Variants in ATXN2L observed in about 807,000 individuals in gnomAD.
ATXN2L encodes the protein ataxin-2-like protein.
In ATXN2L, 24 loss-of-function variants were observed where a neutral mutation model predicts 120.7. That is an observed-to-expected ratio of 0.20 (90% CI 0.14 to 0.28). ATXN2L has a LOEUF of 0.28. ATXN2L is among the 10% of genes least tolerant of loss of function. ATXN2L has a pLI of 1.00. For missense variants in ATXN2L, 1,312 were observed against 1,432.3 expected, an observed-to-expected ratio of 0.92 and a Z score of 1.36; for synonymous variants, 653 against 568.1, an observed-to-expected ratio of 1.15 and a Z score of -2.13.
At chr16:28,832,994 A>T (rs1365410010) in intron 13 of ATXN2L, 65 bp from the exon 14 acceptor site, 1 of 1,593,434 alleles carries the variant, frequency 6.3e-7, no homozygotes, top group African/African-American at 1.4e-5. Flanking sequence ...TCAAAAAAGG[A>T]TGAAAGAAGA....
intron 10 of ATXN2L, 73 bp from the exon 11 acceptor site, chr16:28,832,132 T>G: frequency 6.6e-7 from 1 of 1,520,138 alleles, no homozygotes; most frequent in Admixed American, 1.8e-5. Flanking sequence ...TTTCTTGCTG[T>G]TTTGAGTAAG....
Position 28,823,434 on chromosome 16 carries a change from C to T in ATXN2L, c.175C>T (p.Leu59=). The change falls in exon 1 of 22, where the codon CTG becomes TTG. Residue 59 remains leucine, a synonymous_variant. Transcript: ENST00000336783. Reference sequence around the variant, plus strand: ...GCCTCCAGCGGCCGCCTCCCCCTGCCTGGGGCCTGTGGCCGCTGCCGGGAG... The same window carrying T: ...GCCTCCAGCGGCCGCCTCCCCCTGCTTGGGGCCTGTGGCCGCTGCCGGGAG... ...PGPPAAASPC[L]GPVAAAGSGL... is the part of the protein sequence containing the mutation. 1 of 1,319,146 alleles carries T rather than the reference C, an allele frequency of 7.6e-7. No individual in the cohort carries two copies. The allele number at this position is 1,319,146 out of a possible 1,614,324, so 81.7% of individuals were successfully genotyped here.
At chr16:28,825,575 G>A in intron 2 of ATXN2L, 49 bp from the exon 3 acceptor site, 1 of 1,587,490 alleles carries the variant, frequency 6.3e-7, no homozygotes, top group Non-Finnish European at 8.7e-7. Context: ...AAGAAAATGA[G>A]GTGTTGACTG....
chr16:28,825,936 A>G, intron 4 of ATXN2L, 95 bp downstream of exon 4: 1 of 1,236,734 alleles, frequency 8.1e-7, no homozygotes, highest in Non-Finnish European at 1.2e-6. Flanking sequence ...ATGTCAGAGT[A>G]TGCCTTTAGT....
Position 28,836,690 on chromosome 16 carries a change from C to G in ATXN2L, c.*425C>G. ...GGAGGAAGGGACAGCTGCTTGGGTTCTAATGCTCCTGCTCTCTTCTCTTTC... is the reference window on the plus strand; with the variant it reads ...GGAGGAAGGGACAGCTGCTTGGGTTGTAATGCTCCTGCTCTCTTCTCTTTC... On this transcript the variant is annotated 3_prime_UTR_variant, in exon 22 of 22. Coordinates refer to ENST00000336783, the MANE Select transcript of ATXN2L (RefSeq NM_007245.4). 1 of 1,613,858 alleles carries G rather than the reference C, an allele frequency of 6.2e-7. No homozygotes were observed. Among genetic ancestry groups the G allele is most frequent in the Non-Finnish European group, 8.5e-7 (1 of 1,179,964 alleles).
intron 8 of ATXN2L, 22 bp from the exon 9 acceptor site, chr16:28,830,593 C>T: frequency 6.5e-7 from 1 of 1,534,830 alleles, no homozygotes; most frequent in Non-Finnish European, 8.8e-7. Flanking sequence ...GCTACCTGGC[C>T]TTATTTGAAC....
chr16:28,830,953 AC>A lies in ATXN2L; in HGVS notation c.1211-7del, dbSNP rs765425727. 6.5e-7 allele frequency: 1 copy of A among 1,540,924 alleles called. No individual in the cohort carries two copies. The highest frequency in any genetic ancestry group is 2.3e-5 in the East Asian group (1 of 44,218). ...TTTCTTCTCAAAAAAAAAAAAAAAA[AC>A]CAAACAGGCCCTTCCCGCATGTCCC... On this transcript the variant is annotated splice_region_variant and splice_polypyrimidine_tract_variant and intron_variant, in intron 9 of 21. Transcript: ENST00000336783.
intron 1 of ATXN2L, among the ~76,000 whole-genome samples, chr16:28,824,936 CA>C (rs1010794670): frequency 1.3e-5 from 2 of 152,068 alleles, no homozygotes; most frequent in Non-Finnish European, 2.9e-5. Flanking sequence ...TGGCCGGGCG[CA>C]GTGGCTCACG....
In ATXN2L at chr16:28,823,333, G is replaced by A. The variant is rs1268731500; in HGVS notation, c.74G>A (p.Arg25His). Residue 25 changes from arginine to histidine, a missense_variant, in exon 1 of 22, where the codon CGT becomes CAT. Arg to His is a conservative substitution (Grantham distance 29). Coordinates refer to ENST00000336783, the MANE Select transcript of ATXN2L (RefSeq NM_007245.4). ...CCCCCCACGCAACAGGCCGTGGCCCGTCGGCCCCCCGGGGGCACCAGCCCT... is the reference window on the plus strand; with the variant it reads ...CCCCCCACGCAACAGGCCGTGGCCCATCGGCCCCCCGGGGGCACCAGCCCT... ...QPPPTQQAVARRPPGGTSPPN... is the reference protein window; with the variant it reads ...QPPPTQQAVAHRPPGGTSPPN... 3 of 1,398,400 alleles carry A rather than the reference G, an allele frequency of 2.1e-6. No homozygotes were observed. The highest frequency in any genetic ancestry group is 2.8e-6 in the Non-Finnish European group (3 of 1,076,676). The allele number at this position is 1,398,400 out of a possible 1,614,324, so 86.6% of individuals were successfully genotyped here. A position where few individuals can be genotyped will look rare whatever the true frequency, so the allele number is the denominator to read the frequency against.
At chr16:28,825,342 G>A in intron 1 of ATXN2L, 24 bp from the exon 2 acceptor site, 1 of 1,613,186 alleles carries the variant, frequency 6.2e-7, no homozygotes. Flanking sequence ...ACAGACTTAA[G>A]TAATTTCTTG....
At chr16:28,824,158 C>T in intron 1 of ATXN2L, 7 of 1,021,480 alleles carry the variant, frequency 6.9e-6, no homozygotes, top group Non-Finnish European at 8.2e-6. Context: ...CGTACGTGCG[C>T]GTGGATGCTC....
chr16:28,829,462 C>G lies in ATXN2L; in HGVS notation c.803C>G (p.Thr268Ser). ...AATGAGGAGAACTACGGTGTGAAGA[C>G]TACCTATGATAGCAGTCTTTCTTCT... is the stretch of plus-strand genomic sequence containing the variant. The part of the protein sequence containing the change: ...KFNEENYGVK[T>S]TYDSSLSSYT... Residue 268 changes from threonine to serine, a missense_variant, in exon 7 of 22, where the codon ACT becomes AGT. Transcript: ENST00000336783. The G allele has an allele frequency of 6.2e-7, 1 of 1,611,940 alleles. No homozygotes were observed. Among genetic ancestry groups the G allele is most frequent in the Non-Finnish European group, 8.5e-7 (1 of 1,178,002 alleles).
At chr16:28,825,156 A>G (rs1248311830) in intron 1 of ATXN2L, among the ~76,000 whole-genome samples, 1 of 151,950 alleles carries the variant, frequency 6.6e-6, no homozygotes, top group Admixed American at 6.6e-5. Flanking sequence ...GGTTGAGGCT[A>G]CAGTGAACTG....
Position 28,836,027 on chromosome 16 carries a change from A to G in ATXN2L, c.2990A>G (p.His997Arg). Residue 997 changes from histidine (H) to arginine (R), a missense_variant, in exon 22 of 22, where the codon CAT becomes CGT. Physicochemically the swap from His to Arg is conservative, Grantham distance 29 (BLOSUM62 0). Coordinates refer to ENST00000336783, the MANE Select transcript of ATXN2L (RefSeq NM_007245.4). ...QVMLLHPPQS[H>R]GGPPQGAVPQ... ...ATGCTGCTGCACCCACCCCAGAGTC[A>G]TGGGGGGCCCCCCCAAGGCGCGGTG... is the stretch of plus-strand genomic sequence containing the variant. The G allele has an allele frequency of 6.3e-7, 1 of 1,583,790 alleles. No individual in the cohort carries two copies. The highest frequency in any genetic ancestry group is 8.6e-7 in the Non-Finnish European group (1 of 1,163,622).
chr16:28,836,145 TG>T lies in ATXN2L; in HGVS notation c.3110del (p.Gly1037AspfsTer15). On this transcript the variant is annotated frameshift_variant, in exon 22 of 22. Coordinates refer to ENST00000336783, the MANE Select transcript of ATXN2L (RefSeq NM_007245.4). LOFTEE classifies it high-confidence loss of function. ...AAGGTGAGCAGCCTGGCCAGGCGCC[TG>T]GATTTCCAGGAGGAGCCGATGACAG... The part of the protein sequence containing the change: ...PQGEQPGQAP[G>X]FPGGADDRIR... 4 of 1,614,068 alleles carry T rather than the reference TG, an allele frequency of 2.5e-6. No homozygotes were observed. The highest frequency in any genetic ancestry group is 3.4e-6 in the Non-Finnish European group (4 of 1,179,992).
At chr16:28,832,465 G>A in intron 11 of ATXN2L, 31 bp from the exon 12 acceptor site, 1 of 1,612,882 alleles carries the variant, frequency 6.2e-7, no homozygotes. Context: ...TGGACAGAAG[G>A]ACCTTTAGGC....
chr16:28,826,423 C>G (rs1567401952), intron 5 of ATXN2L, 33 bp downstream of exon 5: 2 of 1,608,740 alleles, frequency 1.2e-6, no homozygotes, highest in South Asian at 2.2e-5. Flanking sequence ...CAGACCTGCT[C>G]TGTGTGCATA....
Position 28,836,455 on chromosome 16 carries a change from G to A in ATXN2L, c.*190G>A. 1.2e-6 allele frequency: 2 copies of A among 1,612,566 alleles called. No individual in the cohort carries two copies. Among genetic ancestry groups the A allele is most frequent in the Non-Finnish European group, 8.5e-7 (1 of 1,179,476 alleles). ...CTCCCCACTGCCTCCCCAGCTCTCA[G>A]TGACCCCGACTGTCTCCTGACTTAG... is the stretch of plus-strand genomic sequence containing the variant. On this transcript the variant is annotated 3_prime_UTR_variant, in exon 22 of 22. Coordinates refer to ENST00000336783, the MANE Select transcript of ATXN2L (RefSeq NM_007245.4).
Position 28,837,045 on chromosome 16 carries a change from G to C in ATXN2L, c.*780G>C, listed in dbSNP as rs1230287847. 4.6e-6 allele frequency: 3 copies of C among 648,250 alleles called. No individual in the cohort carries two copies. The East Asian group carries it at 9.3e-5, about 20-fold the overall frequency. 40.2% of individuals were successfully genotyped at this position (648,250 alleles called of 1,614,324 possible). A position where few individuals can be genotyped will look rare whatever the true frequency, so the allele number is the denominator to read the frequency against. ...TCTCATCTATTCCCCCGCTGGAGAC[G>C]GAAGATCTTTTATTTTCTATTATTT... is the stretch of plus-strand genomic sequence containing the variant. On this transcript the variant is annotated 3_prime_UTR_variant, in exon 22 of 22. Transcript: ENST00000336783.
Sources: gnomAD v4.1 joint callset for allele counts (sites outside exome capture counted in the v4.1 genomes callset) on GRCh38, gnomAD v4.1.1 for gene constraint, MANE v1.5 for transcripts, NCBI Gene and HGNC (gene_info 2026-07-23, HGNC 2026-07-21) for gene names.